EPB42: variants seen among roughly 807,000 people sequenced by gnomAD.
EPB42 encodes the protein protein 4.2.
EPB42 carries 49 observed loss-of-function variants against 76.9 expected under a neutral mutation model. The ratio of observed to expected loss-of-function variants is 0.64; its 90% CI spans 0.51 to 0.81. The LOEUF (loss-of-function observed/expected upper bound fraction) is 0.81. Among genes scored for constraint, EPB42 ranks in the 30% least tolerant of loss-of-function variants. The probability of loss-of-function intolerance (pLI) is 0.00; values close to 1 mark genes in which losing one functional copy is unlikely to be tolerated. For synonymous variants in EPB42, 310 were observed against 338.4 expected, an observed-to-expected ratio of 0.92 and a Z score of 0.92; for missense variants, 731 against 867.6, an observed-to-expected ratio of 0.84 and a Z score of 1.98.
At chr15:43,202,777 C>T (rs141870339) in intron 11 of EPB42, among the ~76,000 whole-genome samples, 105 of 152,268 alleles carry the variant, frequency 6.9e-4, no homozygotes, top group Non-Finnish European at 1.3e-3. Context: ...AACAGTTCTA[C>T]CTCACAGGGC....
intron 12 of EPB42, 77 bp downstream of exon 12, chr15:43,201,767 G>A (rs1596402891): frequency 6.2e-7 from 1 of 1,601,236 alleles, no homozygotes; most frequent in East Asian, 2.2e-5. Context: ...ATGGCAAAGA[G>A]AGAGTTTCTC....
chr15:43,212,887 A>T (rs1278531581), intron 3 of EPB42, among the ~76,000 whole-genome samples: 1 of 152,190 alleles, frequency 6.6e-6, no homozygotes, highest in Non-Finnish European at 1.5e-5. Flanking sequence ...TCTGGGGACT[A>T]CAGAGAGAAA....
At position 43,197,328 on chromosome 15, in the gene EPB42, C is replaced by T. The variant is rs375723304; in HGVS notation, c.2050G>A (p.Val684Met). The change falls in exon 13 of 13, where the codon GTG (valine) becomes ATG (methionine). Residue 684 changes from valine to methionine, a missense_variant. Transcript: ENST00000441366. ...TAAGCTGATAGTTCAGGGGCTACCACGGTGACGCTTTTATAGTTGGTTAGG... is the reference window on the plus strand; with the variant it reads ...TAAGCTGATAGTTCAGGGGCTACCATGGTGACGCTTTTATAGTTGGTTAGG... ...QNLTNYKSVT[V>M]VAPELSA 57 of 1,614,066 alleles carry T rather than the reference C, an allele frequency of 3.5e-5. No homozygotes were observed. Among genetic ancestry groups the T allele is most frequent in the Non-Finnish European group, 4.0e-5 (47 of 1,180,030 alleles).
Position 43,209,759 on chromosome 15 carries a change from C to T in EPB42, c.655-308G>A, listed in dbSNP as rs2042264962. The stretch of plus-strand genomic sequence containing the variant: ...CGGTTCTTAGTCCTCCACCCTGACT[C>T]GTTTGAGGTGCTTTGCACCTGGGTC... On this transcript the variant is annotated intron_variant, in intron 5 of 12. Transcript: ENST00000441366. 4 of 381,158 alleles carry T rather than the reference C, an allele frequency of 1.0e-5. 1 individual carries two copies. The highest frequency in any genetic ancestry group is 9.3e-5 in the South Asian group (2 of 21,518). The allele number at this position is 381,158 out of a possible 1,614,324, so 23.6% of individuals were successfully genotyped here. A position where few individuals can be genotyped will look rare whatever the true frequency, so the allele number is the denominator to read the frequency against.
In EPB42 at chr15:43,203,211, GA is replaced by G. The variant is rs775832353; in HGVS notation, c.1682del (p.Phe561SerfsTer54). 1 of 1,614,152 alleles carries G rather than the reference GA, an allele frequency of 6.2e-7. No homozygotes were observed. The highest frequency in any genetic ancestry group is 2.2e-5 in the East Asian group (1 of 44,876). On this transcript the variant is annotated frameshift_variant, in exon 11 of 13. Transcript: ENST00000441366. LOFTEE classifies it high-confidence loss of function. Reference protein sequence around the residue: ...NFERNPPENTFLRLTAMATHS... With the variant: ...NFERNPPENTXLRLTAMATHS... ...GTGTTGCCATGGCGGTGAGTCTAAG[GA>G]AGGTGTTCTCGGGTGGGTTTCGCTC...
chr15:43,203,341 C>A lies in EPB42; in HGVS notation c.1619-66G>T, dbSNP rs548711188. The stretch of plus-strand genomic sequence containing the variant: ...TGTACCCCAGAAACAGCCATAGTTA[C>A]ACACACAATACAAAGGACTCAGGGC... On this transcript the variant is annotated intron_variant, in intron 10 of 12. Transcript: ENST00000441366. 15 of 1,597,936 alleles carry A rather than the reference C, an allele frequency of 9.4e-6. No individual in the cohort carries two copies. In the Admixed American group the frequency reaches 1.7e-4, roughly 18 times the overall value.
chr15:43,203,008 G>T, intron 11 of EPB42, 107 bp downstream of exon 11: 1 of 1,379,960 alleles, frequency 7.2e-7, no homozygotes, highest in Non-Finnish European at 1.0e-6. Flanking sequence ...GCATTTTCTG[G>T]TAATCTTGCA....
intron 3 of EPB42, among the ~76,000 whole-genome samples, chr15:43,213,052 T>C (rs1185968006): frequency 6.6e-6 from 1 of 152,108 alleles, no homozygotes; most frequent in Non-Finnish European, 1.5e-5. Context: ...TACAGACCCA[T>C]ATGCCCAAGG....
intron 3 of EPB42, 119 bp from the exon 4 acceptor site, chr15:43,211,653 G>A (rs1443695511): frequency 1.3e-6 from 1 of 773,944 alleles, no homozygotes; most frequent in Non-Finnish European, 2.3e-6. Flanking sequence ...GTCAGCTCTG[G>A]GCCTAATGAA....
upstream of EPB42, among the ~76,000 whole-genome samples, chr15:43,221,669 T>C (rs2042461656): frequency 6.6e-6 from 1 of 152,120 alleles, no homozygotes; most frequent in African/African-American, 2.4e-5. Context: ...ATGAGACGTC[T>C]ATAGAATGAT....
At chr15:43,221,846 T>A (rs1433242937), upstream of EPB42, among the ~76,000 whole-genome samples, 815 of 123,812 alleles carry the variant, frequency 6.6e-3, 4 homozygotes, top group African/African-American at 0.025. Flanking sequence ...AAAAAAAAAA[T>A]GAAACTTCTG....
In EPB42 at chr15:43,211,974, G is replaced by A. The variant is rs895163466; in HGVS notation, c.431-440C>T. Among the ~76,000 whole-genome samples the A allele has an allele frequency of 3.3e-5, 5 of 152,130 alleles. No individual in the cohort carries two copies. In the East Asian group the frequency reaches 5.8e-4, roughly 18 times the overall value. ...TCCTAGCTATTCAGGAGGCTGAAGC[G>A]GGAGGAAACTTGAGCCCAGGAGTTT... On this transcript the variant is annotated intron_variant, in intron 3 of 12. Transcript: ENST00000441366.
chr15:43,209,713 T>G, intron 5 of EPB42: 1 of 448,170 alleles, frequency 2.2e-6, no homozygotes, highest in Non-Finnish European at 4.0e-6. Context: ...AGAGCTGCCC[T>G]TCCTTGGGGG....
At position 43,216,431 on chromosome 15, in the gene EPB42, G is replaced by A; in HGVS notation, c.33C>T (p.Asp11=). Residue 11 remains aspartate (D), a synonymous_variant, in exon 2 of 13, where the codon GAC becomes GAT. Coordinates refer to ENST00000441366, the MANE Select transcript of EPB42 (RefSeq NM_001114134.2). The part of the protein sequence containing the change: MGQALGIKSC[D]FQAARNNEEH... ...CCTCATTGTTTCTTGCTGCCTGAAAGTCACAGCTCTTGATACCCAGGGCTG... is the reference window on the plus strand; with the variant it reads ...CCTCATTGTTTCTTGCTGCCTGAAAATCACAGCTCTTGATACCCAGGGCTG... 1.2e-6 allele frequency: 2 copies of A among 1,614,194 alleles called. No individual in the cohort carries two copies. Among genetic ancestry groups the A allele is most frequent in the Non-Finnish European group, 1.7e-6 (2 of 1,180,040 alleles).
Position 43,207,233 on chromosome 15 carries a change from G to C in EPB42, c.1284C>G (p.Cys428Trp). The C allele has an allele frequency of 6.2e-7, 1 of 1,614,010 alleles. No homozygotes were observed. Reference protein sequence around the residue: ...ISTKGVGSDRCEDITQNYKYP... With the variant: ...ISTKGVGSDRWEDITQNYKYP... ...ACTTGTAGTTCTGAGTGATGTCCTC[G>C]CAGCGGTCACTGCCCACACCCTTGG... The change falls in exon 9 of 13, where the codon TGC (cysteine) becomes TGG (tryptophan). Residue 428 changes from cysteine (C) to tryptophan (W), a missense_variant. Cys to Trp is a radical substitution (Grantham distance 215). Transcript: ENST00000441366.
chr15:43,224,811 C>G (rs2042493179), upstream of EPB42, among the ~76,000 whole-genome samples: 1 of 152,252 alleles, frequency 6.6e-6, no homozygotes. Flanking sequence ...GGGTCTTGCT[C>G]TGTCACCCAG....
intron 12 of EPB42, 94 bp from the exon 13 acceptor site, chr15:43,197,558 G>C: frequency 1.4e-6 from 2 of 1,422,736 alleles, no homozygotes; most frequent in Non-Finnish European, 2.0e-6. Flanking sequence ...TGAAGAGGTG[G>C]ACCATGCAGA....
chr15:43,220,651 C>CA, intron 1 of EPB42, 165 bp downstream of exon 1: 3 of 749,352 alleles, frequency 4.0e-6, no homozygotes, highest in Admixed American at 5.1e-5. Context: ...CCTACCACAC[C>CA]CCCCCCCCAC....
upstream of EPB42, among the ~76,000 whole-genome samples, chr15:43,225,570 C>A (rs78057833): frequency 6.6e-6 from 1 of 152,132 alleles, no homozygotes; most frequent in African/African-American, 2.4e-5. Context: ...TGTTAGGAAC[C>A]GCGTTAGATA....
Sources: allele counts gnomAD v4.1 joint callset (sites outside exome capture counted in the v4.1 genomes callset), GRCh38; gene constraint gnomAD v4.1.1; transcripts MANE v1.5; gene names NCBI Gene and HGNC (gene_info 2026-07-23, HGNC 2026-07-21).